The following DEPDC1 variants were observed in gnomAD, a reference collection of about 807,000 sequenced individuals.
DEPDC1 encodes DEP domain-containing protein 1A.
A neutral mutation model predicts 86.8 loss-of-function variants in DEPDC1; 66 were observed. The ratio of observed to expected loss-of-function variants is 0.76; its 90% CI spans 0.62 to 0.93. The LOEUF is 0.93. Ranked by LOEUF, DEPDC1 falls within the 40% of genes least tolerant of loss-of-function variation. The pLI is 0.00. For synonymous variants in DEPDC1, 255 were observed against 314.9 expected (o/e 0.81, Z 2.02); for missense variants, 792 against 935.7 (o/e 0.85, Z 2.00).
Position 68,476,810 on chromosome 1 carries a change from C to T in DEPDC1, c.*122G>A. The T allele has an allele frequency of 2.2e-6, 2 of 896,430 alleles. No individual in the cohort carries two copies. The highest frequency in any genetic ancestry group is 3.2e-6 in the Non-Finnish European group (2 of 616,610). 55.5% of individuals were successfully genotyped at this position (896,430 alleles called of 1,614,324 possible). Reference sequence around the variant, plus strand: ...TGATAACTATTTTGGCACTTCCTTACATAATGTGTTTATTTAGAAATACCT... The same window carrying T: ...TGATAACTATTTTGGCACTTCCTTATATAATGTGTTTATTTAGAAATACCT... On this transcript the variant is annotated 3_prime_UTR_variant, in exon 12 of 12. Coordinates refer to ENST00000456315, the MANE Select transcript of DEPDC1 (RefSeq NM_001114120.3).
At position 68,481,490 on chromosome 1, in the gene DEPDC1, G is replaced by A. The variant is rs761597392; in HGVS notation, c.1885C>T (p.Gln629Ter). The A allele has an allele frequency of 3.7e-6, 6 of 1,612,376 alleles. No homozygotes were observed. The highest frequency in any genetic ancestry group is 5.1e-6 in the Non-Finnish European group (6 of 1,179,048). The change falls in exon 9 of 12, where the codon CAA becomes TAA. Residue 629 changes from glutamine (Q) to a stop codon, truncating the protein, a stop_gained. Coordinates refer to ENST00000456315, the MANE Select transcript of DEPDC1 (RefSeq NM_001114120.3). LOFTEE classifies it high-confidence loss of function. ...LLMRMISRMS[Q>*]NVDMPKLHDA... Reference sequence around the variant, plus strand: ...TGAAGTTTGGGCATATCAACATTTTGACTCATTCGGGAAATCATACGCATT... The same window carrying A: ...TGAAGTTTGGGCATATCAACATTTTAACTCATTCGGGAAATCATACGCATT...
intron 1 of DEPDC1, among the ~76,000 whole-genome samples, chr1:68,495,914 T>G (rs150202239): frequency 6.6e-6 from 1 of 152,346 alleles, no homozygotes; most frequent in Non-Finnish European, 1.5e-5. Context: ...TACTTTCATC[T>G]AATGGGTTTT....
chr1:68,484,172 G>A, intron 6 of DEPDC1, 82 bp from the exon 7 acceptor site: 1 of 1,128,844 alleles, frequency 8.9e-7, no homozygotes, highest in Non-Finnish European at 1.2e-6. Context: ...TATAAAATCT[G>A]TATTTCATGA....
At position 68,482,757 on chromosome 1, in the gene DEPDC1, G is replaced by A; in HGVS notation, c.1051C>T (p.His351Tyr). ...STECLLLSLL[H>Y]REKNKEESDS... ...GATTCTTCTTTGTTTTTTTCTCTAT[G>A]AAGCAGACTGAGAAGAAGGCACTCA... Residue 351 changes from histidine to tyrosine, a missense_variant, in exon 8 of 12, where the codon CAT becomes TAT. Physicochemically the swap from His to Tyr is moderately conservative, Grantham distance 83. Transcript: ENST00000456315. 6.2e-7 allele frequency: 1 copy of A among 1,612,502 alleles called. No individual in the cohort carries two copies. The highest frequency in any genetic ancestry group is 8.5e-7 in the Non-Finnish European group (1 of 1,179,210).
Position 68,488,467 on chromosome 1 carries a change from C to T in DEPDC1, c.628G>A (p.Val210Ile). Residue 210 changes from valine to isoleucine, a missense_variant, in exon 5 of 12, where the codon GTC (valine) becomes ATC (isoleucine). By Grantham distance (29) the Val-to-Ile change is conservative. Coordinates refer to ENST00000456315, the MANE Select transcript of DEPDC1 (RefSeq NM_001114120.3). The stretch of plus-strand genomic sequence containing the variant: ...GGAATTACTTGTTTTGGATTTATGA[C>T]TTCTTCTAGGGATGGCACACCTAAA... ...TILGVPSLEE[V>I]INPKQVIPQY... 6.2e-7 allele frequency: 1 copy of T among 1,605,982 alleles called. No homozygotes were observed. The highest frequency in any genetic ancestry group is 8.5e-7 in the Non-Finnish European group (1 of 1,177,004).
At chr1:68,483,071 C>T (rs1218120498) in intron 7 of DEPDC1, 174 bp from the exon 8 acceptor site, 21 of 643,318 alleles carry the variant, frequency 3.3e-5, no homozygotes, top group African/African-American at 1.7e-4. Context: ...ATGCAACATT[C>T]GGTTACAAAC....
At chr1:68,479,050 T>C (rs1443542054) in intron 10 of DEPDC1, 94 bp downstream of exon 10, 4 of 1,081,090 alleles carry the variant, frequency 3.7e-6, no homozygotes, top group Admixed American at 4.8e-5. Context: ...TTATGGGAGC[T>C]GATAAAGTCT....
At position 68,482,394 on chromosome 1, in the gene DEPDC1, C is replaced by T. The variant is rs1646162726; in HGVS notation, c.1414G>A (p.Glu472Lys). 6.2e-7 allele frequency: 1 copy of T among 1,612,816 alleles called. No homozygotes were observed. The highest frequency in any genetic ancestry group is 8.5e-7 in the Non-Finnish European group (1 of 1,179,260). The change falls in exon 8 of 12, where the codon GAG (glutamate) becomes AAG (lysine). Residue 472 changes from glutamate (E) to lysine (K), a missense_variant. Coordinates refer to ENST00000456315, the MANE Select transcript of DEPDC1 (RefSeq NM_001114120.3). Reference protein sequence around the residue: ...KQEFLLNLHSEENIQKPFSAG... With the variant: ...KQEFLLNLHSKENIQKPFSAG... The stretch of plus-strand genomic sequence containing the variant: ...CTGAATGGCTTTTGAATATTTTCCT[C>T]TGAATGAAGATTCAACAGGAATTCC...
chr1:68,485,183 C>T (rs1646185086), intron 6 of DEPDC1, among the ~76,000 whole-genome samples: 3 of 151,752 alleles, frequency 2.0e-5, no homozygotes, highest in Admixed American at 2.0e-4. Context: ...CACACACACA[C>T]ACACACACTC....
rs189627809 is a variant in DEPDC1 at position 68,489,680 on chromosome 1, A to T, written c.315-72T>A. 1.6e-3 allele frequency: 1,728 copies of T among 1,099,722 alleles called. 9 individuals are homozygous for T. The African/African-American group carries it at 0.018, about 12-fold the overall frequency. 68.1% of individuals were successfully genotyped at this position (1,099,722 alleles called of 1,614,324 possible). A position where few individuals can be genotyped will look rare whatever the true frequency, so the allele number is the denominator to read the frequency against. The stretch of plus-strand genomic sequence containing the variant: ...AACTTTTAGAGCCTATTTTTTTTTT[A>T]AAATTCACATAAAGAGCCTGACTTA... On this transcript the variant is annotated intron_variant, in intron 2 of 11. Coordinates refer to ENST00000456315, the MANE Select transcript of DEPDC1 (RefSeq NM_001114120.3).
rs1276253621 is a variant in DEPDC1 at position 68,475,936 on chromosome 1, T to TGTAA, written c.*992_*995dup. The TGTAA allele has an allele frequency of 4.6e-5, 7 of 151,802 alleles. No individual in the cohort carries two copies. The highest frequency in any genetic ancestry group is 1.7e-4 in the African/African-American group (7 of 41,388). 9.4% of individuals were successfully genotyped at this position (151,802 alleles called of 1,614,324 possible). A position where few individuals can be genotyped will look rare whatever the true frequency, so the allele number is the denominator to read the frequency against. ...ATCCCCAAAATTCAGATTTAATTAG[T>TGTAA]GTAAGTTAGGCCCTGGGCATATAGG... On this transcript the variant is annotated 3_prime_UTR_variant, in exon 12 of 12. Transcript: ENST00000456315.
At chr1:68,490,119 AT>A (rs1646219863) in intron 2 of DEPDC1, among the ~76,000 whole-genome samples, 1 of 152,100 alleles carries the variant, frequency 6.6e-6, no homozygotes, top group Admixed American at 6.6e-5. Context: ...TTCTCCTTTA[AT>A]TTTTTTAAAC....
At chr1:68,487,111 A>G in intron 5 of DEPDC1, 127 bp from the exon 6 acceptor site, 1 of 697,840 alleles carries the variant, frequency 1.4e-6, no homozygotes, top group Non-Finnish European at 2.2e-6. Flanking sequence ...ACATTTGTAT[A>G]TGTGTGTATT....
chr1:68,483,088 G>A, intron 7 of DEPDC1, 191 bp from the exon 8 acceptor site: 1 of 614,614 alleles, frequency 1.6e-6, no homozygotes, highest in South Asian at 2.0e-5. Context: ...AAACGTGCAA[G>A]ACAGATGAGT....
At chr1:68,479,860 C>A (rs1646142324) in intron 9 of DEPDC1, among the ~76,000 whole-genome samples, 1 of 151,292 alleles carries the variant, frequency 6.6e-6, no homozygotes, top group South Asian at 2.1e-4. Context: ...TTATAAAAGG[C>A]TTTGGTTTTT....
At chr1:68,490,196 T>C (rs925079430) in intron 2 of DEPDC1, among the ~76,000 whole-genome samples, 3 of 152,128 alleles carry the variant, frequency 2.0e-5, no homozygotes, top group East Asian at 1.9e-4. Context: ...TTGTGGAGGT[T>C]TGTTGTACGG....
In DEPDC1 at chr1:68,488,945, T is replaced by C; in HGVS notation, c.561A>G (p.Glu187=). 6.2e-7 allele frequency: 1 copy of C among 1,600,954 alleles called. No homozygotes were observed. Among genetic ancestry groups the C allele is most frequent in the Non-Finnish European group, 8.5e-7 (1 of 1,170,438 alleles). ...TCAGAATAACATATCTCCAAACTTC[T>C]TCAACATCTTCCTGGCTTAGTTCTC... ...DNRELSQEDV[E]EVWRYVILIY... Residue 187 remains glutamate, a synonymous_variant, in exon 4 of 12, where the codon GAA becomes GAG. Coordinates refer to ENST00000456315, the MANE Select transcript of DEPDC1 (RefSeq NM_001114120.3).
At chr1:68,487,879 C>T (rs1284989495) in intron 5 of DEPDC1, among the ~76,000 whole-genome samples, 1 of 151,654 alleles carries the variant, frequency 6.6e-6, no homozygotes, top group Non-Finnish European at 1.5e-5. Flanking sequence ...ATATATAAAA[C>T]AAAAAAGCCA....
chr1:68,476,893 A>C lies in DEPDC1; in HGVS notation c.*39T>G, dbSNP rs758224175. 6.8e-7 allele frequency: 1 copy of C among 1,476,674 alleles called. No individual in the cohort carries two copies. The highest frequency in any genetic ancestry group is 1.4e-5 in the South Asian group (1 of 73,854). 91.5% of individuals were successfully genotyped at this position (1,476,674 alleles called of 1,614,324 possible). On this transcript the variant is annotated 3_prime_UTR_variant, in exon 12 of 12. Transcript: ENST00000456315. ...ATTCTCAGATATGGCTTCATTTATC[A>C]AAGTTCCACAAGTATTACATAATTT...
Sources: allele counts gnomAD v4.1 joint callset (sites outside exome capture counted in the v4.1 genomes callset), GRCh38; gene constraint gnomAD v4.1.1; transcripts MANE v1.5; gene names NCBI Gene and HGNC (gene_info 2026-07-23, HGNC 2026-07-21).